Variants in THAP4 observed in about 807,000 individuals in gnomAD.
THAP4 encodes the protein THAP domain containing 4.
Under a neutral mutation model 48.1 loss-of-function variants are expected in THAP4, and 18 were observed. The ratio of observed to expected loss-of-function variants is 0.37; its 90% CI spans 0.26 to 0.56. THAP4 has a LOEUF of 0.56. THAP4 is among the 20% of genes least tolerant of loss of function. THAP4 has a pLI of 0.78. For missense variants in THAP4, 656 were observed against 774.9 expected, an observed-to-expected ratio of 0.85 and a Z score of 1.82; for synonymous variants, 345 against 324.9, an observed-to-expected ratio of 1.06 and a Z score of -0.66.
chr2:241,624,598 T>C lies in THAP4; in HGVS notation c.1240+8319A>G, dbSNP rs79063432. Among the ~76,000 whole-genome samples, 53 of 152,258 alleles carry C rather than the reference T, an allele frequency of 3.5e-4. 1 individual carries two copies. In the East Asian group the frequency reaches 9.8e-3, roughly 28 times the overall value. The stretch of plus-strand genomic sequence containing the variant: ...TGTGGAGTTGGGGTGCACCATCACC[T>C]CATCCAGCACACAGATGTGTTCACC... On this transcript the variant is annotated intron_variant, in intron 2 of 5. Transcript: ENST00000407315.
rs2067284067 is a variant in THAP4, at chr2:241,612,076, T to C, written c.1241-5603A>G. On this transcript the variant is annotated intron_variant, in intron 2 of 5. Transcript: ENST00000407315. The surrounding 1 kb of genome is among the most constrained non-coding windows in gnomAD (Gnocchi z 4.1). ...ATGAAGAAAGACCACTAACTAAACATGTAAGAACTCAGGAGAGAAACGGCA... is the reference window on the plus strand; with the variant it reads ...ATGAAGAAAGACCACTAACTAAACACGTAAGAACTCAGGAGAGAAACGGCA... 6.6e-6 allele frequency among the ~76,000 whole-genome samples: 1 copy of C among 151,546 alleles called. No individual in the cohort carries two copies. The highest frequency in any genetic ancestry group is 1.5e-5 in the Non-Finnish European group (1 of 67,928).
chr2:241,606,546 C>A, intron 2 of THAP4, 73 bp from the exon 3 acceptor site: 2 of 1,376,258 alleles, frequency 1.5e-6, no homozygotes, highest in East Asian at 2.5e-5. Context: ...GCAGAATGCA[C>A]GTTCCATATC....
chr2:241,625,582 G>A (rs897643935), intron 2 of THAP4, among the ~76,000 whole-genome samples: 3 of 151,222 alleles, frequency 2.0e-5, no homozygotes, highest in African/African-American at 7.3e-5. Context: ...AGATCACGAG[G>A]TCAGGAGATC....
intron 5 of THAP4, among the ~76,000 whole-genome samples, chr2:241,596,458 G>C (rs1434994817): frequency 2.7e-5 from 1 of 37,250 alleles, no homozygotes; most frequent in Admixed American, 2.3e-4. Flanking sequence ...AGTGAGCCGA[G>C]ATCATGCCAC....
chr2:241,618,896 G>A (rs565951629), intron 2 of THAP4, among the ~76,000 whole-genome samples: 14 of 152,192 alleles, frequency 9.2e-5, no homozygotes, highest in East Asian at 7.7e-4. Context: ...AGCCCAGAGC[G>A]TTCTCCAGGC....
upstream of THAP4, chr2:241,637,194 CCCAGCCCCCGCCCGCGTCCTCG>C (rs2067686933): frequency 1.5e-5 from 15 of 985,008 alleles, no homozygotes; most frequent in Middle Eastern, 5.2e-4. Context: ...CCGCCCCCGC[CCCAGCCCCCGCCCGCGTCCTCG>C]CCAGCCGCGG....
chr2:241,589,226 A>G (rs1453202015), intron 5 of THAP4, among the ~76,000 whole-genome samples: 7 of 148,454 alleles, frequency 4.7e-5, no homozygotes, highest in African/African-American at 1.3e-4. Context: ...AAAAAAAAAG[A>G]AAAAGAAAAG....
At chr2:241,637,177 A>C (rs1156516317), upstream of THAP4, 1 of 969,834 alleles carries the variant, frequency 1.0e-6, no homozygotes, top group Non-Finnish European at 1.2e-6. Context: ...AGGCGCCCGC[A>C]GCGGGCCCGC....
chr2:241,620,076 CGTGAGTGAGGG>C, intron 2 of THAP4, among the ~76,000 whole-genome samples: 1 of 16,130 alleles, frequency 6.2e-5, no homozygotes, highest in Non-Finnish European at 1.1e-4. Flanking sequence ...GTGAGTGAGT[CGTGAGTGAGGG>C]GTGAGTGAGT....
At chr2:241,585,930 GAAAA>G (rs1247935159) in intron 5 of THAP4, among the ~76,000 whole-genome samples, 21 of 108,994 alleles carry the variant, frequency 1.9e-4, no homozygotes, top group Non-Finnish European at 2.9e-4. Flanking sequence ...AAAAAAAAAA[GAAAA>G]AAAAAAGAAA....
In THAP4 at chr2:241,610,354, C is replaced by T. The variant is rs1373802354; in HGVS notation, c.1241-3881G>A. On this transcript the variant is annotated intron_variant, in intron 2 of 5. Coordinates refer to ENST00000407315, the MANE Select transcript of THAP4 (RefSeq NM_015963.6). This position sits in a 1 kb window ranked among gnomAD's most constrained non-coding sequence, Gnocchi z 4.2. Reference sequence around the variant, plus strand: ...CGCCTGCGGGACCGGGAGGGCCGCGCTCGCCCCCCAGCGCCAGGGTCACGC... The same window carrying T: ...CGCCTGCGGGACCGGGAGGGCCGCGTTCGCCCCCCAGCGCCAGGGTCACGC... Among the ~76,000 whole-genome samples the T allele has an allele frequency of 6.6e-6, 1 of 152,184 alleles. No individual in the cohort carries two copies. The highest frequency in any genetic ancestry group is 1.5e-5 in the Non-Finnish European group (1 of 68,020).
Position 241,636,989 on chromosome 2 carries a change from C to A in THAP4, c.29G>T (p.Cys10Phe). Residue 10 changes from cysteine (C) to phenylalanine (F), a missense_variant, in exon 1 of 6, where the codon TGC (cysteine) becomes TTC (phenylalanine). By Grantham distance (205) the Cys-to-Phe change is radical. Transcript: ENST00000407315. Reference protein sequence around the residue: MVICCAAVNCSNRQGKGEKR... With the variant: MVICCAAVNFSNRQGKGEKR... ...CTCGCCCTTTCCCTGCCGGTTGGAG[C>A]AGTTCACGGCCGCACAGCAGATCAC... 7.6e-7 allele frequency: 1 copy of A among 1,320,734 alleles called. No individual in the cohort carries two copies. The allele number at this position is 1,320,734 out of a possible 1,614,324, so 81.8% of individuals were successfully genotyped here. A position where few individuals can be genotyped will look rare whatever the true frequency, so the allele number is the denominator to read the frequency against.
intron 5 of THAP4, among the ~76,000 whole-genome samples, chr2:241,589,543 A>C (rs2066932049): frequency 6.6e-6 from 1 of 152,064 alleles, no homozygotes; most frequent in Non-Finnish European, 1.5e-5. Flanking sequence ...ATAAAATACC[A>C]CCCTGTAGTG....
chr2:241,602,259 A>G (rs1424802425), intron 4 of THAP4: 2 of 521,106 alleles, frequency 3.8e-6, no homozygotes, highest in Non-Finnish European at 6.9e-6. Context: ...CCACCCACCA[A>G]TCAGCCTGGC....
rs1464740277 is a variant in THAP4, at chr2:241,610,798, C to T, written c.1241-4325G>A. Among the ~76,000 whole-genome samples, 2 of 151,920 alleles carry T rather than the reference C, an allele frequency of 1.3e-5. No homozygotes were observed. Among genetic ancestry groups the T allele is most frequent in the Non-Finnish European group, 2.9e-5 (2 of 67,988 alleles). ...AATGGGGAAGAAAGACGGACAGAGC[C>T]AGGGACAGCGAGAGACGGGACGGGG... is the stretch of plus-strand genomic sequence containing the variant. On this transcript the variant is annotated intron_variant, in intron 2 of 5. Transcript: ENST00000407315. The surrounding 1 kb of genome is among the most constrained non-coding windows in gnomAD (Gnocchi z 4.2).
rs747273760 is a variant in THAP4, at chr2:241,633,124, G to A, written c.1033C>T (p.Leu345=). Residue 345 remains leucine, a synonymous_variant, in exon 2 of 6, where the codon CTG becomes TTG. Coordinates refer to ENST00000407315, the MANE Select transcript of THAP4 (RefSeq NM_015963.6). The surrounding 1 kb of genome is among the most constrained non-coding windows in gnomAD (Gnocchi z 7.5). ...CGGGAGGAGAAGCAGTAGGAGTGCA[G>A]TGAGTCGATGAGCTTGCAGGCCCCT... is the stretch of plus-strand genomic sequence containing the variant. ...ASGACKLIDS[L]HSYCFSSRQN... 1 of 1,613,094 alleles carries A rather than the reference G, an allele frequency of 6.2e-7. No individual in the cohort carries two copies. Among genetic ancestry groups the A allele is most frequent in the Non-Finnish European group, 8.5e-7 (1 of 1,179,574 alleles).
In THAP4 at chr2:241,584,714, C is replaced by T; in HGVS notation, c.1626G>A (p.Lys542=). The change falls in exon 6 of 6, where the codon AAG becomes AAA. Residue 542 remains lysine, a synonymous_variant. Transcript: ENST00000407315. ...KEPHVEQITR[K]FRLNSEGKLE... Reference sequence around the variant, plus strand: ...GTTTGCCTTCAGAATTCAGCCTGAACTTCCGGGTGATCTGAGCAGGAGAAT... The same window carrying T: ...GTTTGCCTTCAGAATTCAGCCTGAATTTCCGGGTGATCTGAGCAGGAGAAT... 1.2e-6 allele frequency: 2 copies of T among 1,614,202 alleles called. No individual in the cohort carries two copies. Among genetic ancestry groups the T allele is most frequent in the Non-Finnish European group, 1.7e-6 (2 of 1,180,040 alleles).
At chr2:241,637,290 C>A (rs1328885165), upstream of THAP4, 5 of 1,124,866 alleles carry the variant, frequency 4.4e-6, no homozygotes, top group Admixed American at 5.1e-5. Flanking sequence ...GGCAGGCGGG[C>A]AGACGGGCGG....
intron 2 of THAP4, among the ~76,000 whole-genome samples, chr2:241,623,941 G>C (rs756775567): frequency 2.0e-5 from 3 of 152,140 alleles, no homozygotes; most frequent in Non-Finnish European, 2.9e-5. Flanking sequence ...TGTCCTGCAC[G>C]TCAATTCAGT....
Sources: gnomAD v4.1 joint callset for allele counts (sites outside exome capture counted in the v4.1 genomes callset) on GRCh38, gnomAD v4.1.1 for gene constraint, Gnocchi (gnomAD v3.1) non-coding constraint, MANE v1.5 for transcripts, NCBI Gene and HGNC (gene_info 2026-07-23, HGNC 2026-07-21) for gene names.